Variants in UBE3A observed in about 807,000 individuals in gnomAD.
UBE3A encodes ubiquitin-protein ligase E3A.
In UBE3A, 6 loss-of-function variants were observed where a neutral mutation model predicts 83.4. That is an observed-to-expected ratio of 0.07 (90% confidence interval 0.04 to 0.14). The LOEUF (loss-of-function observed/expected upper bound fraction) is 0.14, where lower values mean the gene tolerates loss of function less well. Among genes scored for constraint, UBE3A ranks in the 10% least tolerant of loss-of-function variants. The pLI, the probability that UBE3A is intolerant of heterozygous loss-of-function variation, is 1.00. For missense variants in UBE3A, 456 were observed against 1,036.1 expected (o/e 0.44, Z 7.69); for synonymous variants, 337 against 355.4 (o/e 0.95, Z 0.58).
At chr15:25,406,988 G>A in intron 3 of UBE3A, 1 of 1,016,342 alleles carries the variant, frequency 9.8e-7, no homozygotes, top group South Asian at 1.6e-5. Context: ...AGGTGGCAGT[G>A]ACTTGGCTGT....
chr15:25,373,931 T>G (rs1363781791), intron 5 of UBE3A: 2 of 152,214 alleles, frequency 1.3e-5, no homozygotes, highest in Non-Finnish European at 2.9e-5. Flanking sequence ...TTGTGATAAA[T>G]GTGTCCCTGA....
chr15:25,394,087 C>G (rs1189502380), intron 4 of UBE3A, among the ~76,000 whole-genome samples: 2 of 152,158 alleles, frequency 1.3e-5, no homozygotes, highest in Non-Finnish European at 2.9e-5. Context: ...AGCTTATATA[C>G]CACTTTTAAG....
chr15:25,386,676 G>T (rs1314730874), intron 4 of UBE3A, among the ~76,000 whole-genome samples: 1 of 149,858 alleles, frequency 6.7e-6, no homozygotes, highest in Non-Finnish European at 1.5e-5. Context: ...GAAATTCAAG[G>T]ATAAGAAAAA....
At chr15:25,408,724 A>G (rs2089290414) in intron 3 of UBE3A, 2 of 1,507,586 alleles carry the variant, frequency 1.3e-6, no homozygotes, top group Non-Finnish European at 1.8e-6. Flanking sequence ...AATGTTATAA[A>G]AACTTCTAGA....
chr15:25,432,713 AAG>A (rs1382884391), intron 1 of UBE3A, among the ~76,000 whole-genome samples: 1 of 152,204 alleles, frequency 6.6e-6, no homozygotes, highest in Non-Finnish European at 1.5e-5. Context: ...CAAAACTGTT[AAG>A]AGTCACAGCA....
chr15:25,408,861 C>A, intron 3 of UBE3A: 1 of 740,386 alleles, frequency 1.4e-6, no homozygotes, highest in Non-Finnish European at 2.1e-6. Flanking sequence ...TTGAGAAATA[C>A]TTTCCTGTTT....
chr15:25,336,924 CTA>C lies in UBE3A; in HGVS notation c.*2211_*2212del, dbSNP rs1362419110. 2.6e-5 allele frequency: 4 copies of C among 152,060 alleles called. No homozygotes were observed. The highest frequency in any genetic ancestry group is 4.1e-4 in the South Asian group (2 of 4,824). 9.4% of individuals were successfully genotyped at this position (152,060 alleles called of 1,614,324 possible). A position where few individuals can be genotyped will look rare whatever the true frequency, so the allele number is the denominator to read the frequency against. The stretch of plus-strand genomic sequence containing the variant: ...GAAGTATCCACTGTAGTCAAAATGT[CTA>C]TGTTTTGCTCTTCCTTATTGTTCAG... On this transcript the variant is annotated 3_prime_UTR_variant, in exon 13 of 13. Transcript: ENST00000648336.
At chr15:25,385,808 C>T (rs2083020199) in intron 4 of UBE3A, among the ~76,000 whole-genome samples, 2 of 152,122 alleles carry the variant, frequency 1.3e-5, no homozygotes, top group South Asian at 4.2e-4. Context: ...TTGATGAAGG[C>T]TCAGTGTGGA....
intron 6 of UBE3A, among the ~76,000 whole-genome samples, chr15:25,367,912 G>A (rs988264714): frequency 1.3e-5 from 2 of 152,018 alleles, no homozygotes; most frequent in Non-Finnish European, 2.9e-5. Flanking sequence ...CATATATGAA[G>A]TCACTATTTT....
At chr15:25,434,144 GCTT>G (rs1409677502) in intron 1 of UBE3A, among the ~76,000 whole-genome samples, 1 of 151,726 alleles carries the variant, frequency 6.6e-6, no homozygotes, top group Non-Finnish European at 1.5e-5. Context: ...TAATTAATAA[GCTT>G]CTTTTTGAAT....
chr15:25,387,024 T>C (rs774025307), intron 4 of UBE3A, among the ~76,000 whole-genome samples: 2 of 152,188 alleles, frequency 1.3e-5, no homozygotes, highest in African/African-American at 2.4e-5. Context: ...TTATACTTAA[T>C]TGATCTAACA....
At chr15:25,342,939 G>A (rs1295869840) in intron 11 of UBE3A, among the ~76,000 whole-genome samples, 2 of 152,160 alleles carry the variant, frequency 1.3e-5, no homozygotes, top group Non-Finnish European at 2.9e-5. Context: ...CACCATGCAT[G>A]AAAGGAAGGG....
At chr15:25,358,417 T>C (rs2077544896) in intron 7 of UBE3A, among the ~76,000 whole-genome samples, 1 of 151,974 alleles carries the variant, frequency 6.6e-6, no homozygotes, top group African/African-American at 2.4e-5. Context: ...AAAGGAAAAT[T>C]GGAATCTTTG....
At chr15:25,400,925 T>C (rs1175393997) in intron 4 of UBE3A, among the ~76,000 whole-genome samples, 2 of 152,234 alleles carry the variant, frequency 1.3e-5, no homozygotes, top group African/African-American at 4.8e-5. Flanking sequence ...AGTATAACGT[T>C]AGCAGTGTGT....
rs1370336784 is a variant in UBE3A at position 25,421,144 on chromosome 15, GCTC to G, written c.-164-9176_-164-9174del. Among the ~76,000 whole-genome samples, 10 of 152,288 alleles carry G rather than the reference GCTC, an allele frequency of 6.6e-5. No homozygotes were observed. In the East Asian group the frequency reaches 1.9e-3, roughly 29 times the overall value. On this transcript the variant is annotated intron_variant, in intron 1 of 12. Transcript: ENST00000648336. ...TGGGAGCAATCCCTCATAGCTTGGTGCTCTCCTTGGGATACAGAGTGAGTTCGC... is the reference window on the plus strand; with the variant it reads ...TGGGAGCAATCCCTCATAGCTTGGTGTCCTTGGGATACAGAGTGAGTTCGC...
intron 4 of UBE3A, among the ~76,000 whole-genome samples, chr15:25,376,225 T>C (rs17114442): frequency 0.12 from 18,131 of 152,290 alleles, 1,160 homozygotes; most frequent in Middle Eastern, 0.23. Context: ...TGTAAACATT[T>C]GACTTATAGT....
intron 11 of UBE3A, among the ~76,000 whole-genome samples, chr15:25,351,833 A>AAGTT (rs1326997165): frequency 1.3e-5 from 2 of 152,136 alleles, no homozygotes; most frequent in African/African-American, 2.4e-5. Context: ...CACTTTTTCA[A>AAGTT]AGTTAGGAGC....
chr15:25,334,790 A>T lies in UBE3A; in HGVS notation c.*4347T>A, dbSNP rs565513506. On this transcript the variant is annotated 3_prime_UTR_variant, in exon 13 of 13. Transcript: ENST00000648336. Reference sequence around the variant, plus strand: ...TTTGACAAGGGTACCAGGACCATTCATGGGGAAATAATAGTCTTTTCAACA... The same window carrying T: ...TTTGACAAGGGTACCAGGACCATTCTTGGGGAAATAATAGTCTTTTCAACA... 29 of 152,336 alleles carry T rather than the reference A, an allele frequency of 1.9e-4. No individual in the cohort carries two copies. Among genetic ancestry groups the T allele is most frequent in the African/African-American group, 6.7e-4 (28 of 41,572 alleles). 9.4% of individuals were successfully genotyped at this position (152,336 alleles called of 1,614,324 possible).
At chr15:25,363,288 T>C (rs2078437397) in intron 6 of UBE3A, among the ~76,000 whole-genome samples, 1 of 152,220 alleles carries the variant, frequency 6.6e-6, no homozygotes, top group Non-Finnish European at 1.5e-5. Context: ...AATTAATGTA[T>C]GAACTGCTTA....
Sources: allele counts gnomAD v4.1 joint callset (sites outside exome capture counted in the v4.1 genomes callset), GRCh38; gene constraint gnomAD v4.1.1; transcripts MANE v1.5; gene names NCBI Gene and HGNC (gene_info 2026-07-23, HGNC 2026-07-21).